Variants in SMYD3 observed in about 807,000 individuals in gnomAD.
SMYD3 encodes SET and MYND domain containing 3, also known as histone-lysine N-methyltransferase SMYD3.
A neutral mutation model predicts 57.7 loss-of-function variants in SMYD3; 36 were observed. That is an observed-to-expected ratio of 0.62 (90% CI 0.48 to 0.82). SMYD3 has a LOEUF of 0.82. Among genes scored for constraint, SMYD3 ranks in the 40% least tolerant of loss-of-function variants. SMYD3 has a pLI of 0.00. For synonymous variants in SMYD3, 211 were observed against 195.0 expected (o/e 1.08, Z -0.68); for missense variants, 515 against 538.8 (o/e 0.96, Z 0.44).
chr1:246,008,481 T>TA (rs1207986701), intron 5 of SMYD3, among the ~76,000 whole-genome samples: 2 of 152,188 alleles, frequency 1.3e-5, no homozygotes, highest in African/African-American at 2.4e-5. Flanking sequence ...CTCGGCCCAT[T>TA]AACATTTCTG....
intron 7 of SMYD3, among the ~76,000 whole-genome samples, chr1:245,927,324 G>A (rs77465179): frequency 5.4e-4 from 82 of 152,260 alleles, no homozygotes; most frequent in Non-Finnish European, 1.0e-3. Context: ...CAAACTGGAG[G>A]GGTCAAGGCC....
At chr1:246,385,183 T>G (rs887654372) in intron 1 of SMYD3, among the ~76,000 whole-genome samples, 4 of 152,214 alleles carry the variant, frequency 2.6e-5, no homozygotes, top group Non-Finnish European at 5.9e-5. Flanking sequence ...AATTGGTAAA[T>G]TATTTAAACT....
At chr1:246,453,585 A>C (rs1204392172) in intron 1 of SMYD3, among the ~76,000 whole-genome samples, 1 of 152,220 alleles carries the variant, frequency 6.6e-6, no homozygotes, top group African/African-American at 2.4e-5. Flanking sequence ...AGTGAACATA[A>C]ACTCCAAATT....
chr1:245,818,889 T>C (rs1471951981), intron 10 of SMYD3, among the ~76,000 whole-genome samples: 1 of 138,198 alleles, frequency 7.2e-6, no homozygotes, highest in Non-Finnish European at 1.5e-5. Context: ...CCCAGATTCA[T>C]AAAGCAAGTC....
chr1:245,786,374 T>C (rs982958121), intron 10 of SMYD3, among the ~76,000 whole-genome samples: 11 of 152,152 alleles, frequency 7.2e-5, no homozygotes, highest in Non-Finnish European at 1.0e-4. Context: ...CACTACTTCA[T>C]TGATTAAAAC....
In SMYD3 at chr1:246,044,848, G is replaced by C. The variant is rs147391194; in HGVS notation, c.532-114911C>G. ...CCATTTTTATTAAAATGACAAACTG[G>C]ACTAGGATAACCATTATTGACTCTT... is the stretch of plus-strand genomic sequence containing the variant. On this transcript the variant is annotated intron_variant, in intron 5 of 11. Coordinates refer to ENST00000490107, the MANE Select transcript of SMYD3 (RefSeq NM_001167740.2). 7.3e-3 allele frequency among the ~76,000 whole-genome samples: 1,110 copies of C among 152,192 alleles called. 13 individuals carry two copies. The highest frequency in any genetic ancestry group is 0.025 in the African/African-American group (1,046 of 41,530).
At chr1:245,963,036 C>G (rs1312792556) in intron 5 of SMYD3, among the ~76,000 whole-genome samples, 3 of 152,056 alleles carry the variant, frequency 2.0e-5, no homozygotes, top group Non-Finnish European at 4.4e-5. Context: ...TGTTCAAAGT[C>G]CTGTTTTTAA....
chr1:245,977,518 G>A (rs2058478746), intron 5 of SMYD3, among the ~76,000 whole-genome samples: 1 of 151,984 alleles, frequency 6.6e-6, no homozygotes, highest in East Asian at 1.9e-4. Context: ...GTCTCTACTA[G>A]AAATACAAAA....
intron 5 of SMYD3, chr1:246,109,812 G>C (rs976278310): frequency 1.3e-5 from 2 of 152,196 alleles, no homozygotes; most frequent in African/African-American, 4.8e-5. Flanking sequence ...CAGGTGGAAA[G>C]CAGCCCAGTC....
intron 5 of SMYD3, among the ~76,000 whole-genome samples, chr1:245,995,238 T>A (rs1283540895): frequency 6.6e-6 from 1 of 152,242 alleles, no homozygotes; most frequent in East Asian, 1.9e-4. Context: ...GGTGGCTTCA[T>A]AAGCCTCAGG....
intron 5 of SMYD3, among the ~76,000 whole-genome samples, chr1:246,129,050 G>A (rs1024790938): frequency 6.6e-6 from 1 of 151,898 alleles, no homozygotes; most frequent in Non-Finnish European, 1.5e-5. Context: ...TGCGCACCTC[G>A]GCCTCCAAAC....
intron 5 of SMYD3, among the ~76,000 whole-genome samples, chr1:245,987,560 C>T (rs567605818): frequency 9.8e-5 from 15 of 152,348 alleles, no homozygotes; most frequent in African/African-American, 3.6e-4. Flanking sequence ...TCCAGCTTCA[C>T]GCTAAGAACT....
chr1:246,174,600 C>T (rs1437462605), intron 5 of SMYD3, among the ~76,000 whole-genome samples: 1 of 152,180 alleles, frequency 6.6e-6, no homozygotes, highest in Non-Finnish European at 1.5e-5. Context: ...GCACATGCCA[C>T]CACGCCTGAC....
chr1:245,894,551 C>CA (rs2053625685), intron 8 of SMYD3, among the ~76,000 whole-genome samples: 1 of 152,192 alleles, frequency 6.6e-6, no homozygotes, highest in East Asian at 1.9e-4. Context: ...CTCCATTCTT[C>CA]AAGTCATCAA....
intron 1 of SMYD3, among the ~76,000 whole-genome samples, chr1:246,360,219 C>CA (rs1558423001): frequency 6.6e-6 from 1 of 151,702 alleles, no homozygotes; most frequent in African/African-American, 2.4e-5. Context: ...ACAATAGCTG[C>CA]AAAAAAATAA....
chr1:246,293,485 A>G (rs946679573), intron 5 of SMYD3, among the ~76,000 whole-genome samples: 2 of 152,210 alleles, frequency 1.3e-5, no homozygotes, highest in Non-Finnish European at 2.9e-5. Flanking sequence ...TCTAAGTAGT[A>G]TAACACGCAC....
intron 5 of SMYD3, among the ~76,000 whole-genome samples, chr1:246,146,052 G>A (rs2061837798): frequency 6.6e-6 from 1 of 152,178 alleles, no homozygotes; most frequent in African/African-American, 2.4e-5. Flanking sequence ...GCTGATCGAA[G>A]TGCCAATTGT....
chr1:246,223,247 T>C (rs945057539), intron 5 of SMYD3, among the ~76,000 whole-genome samples: 10 of 152,092 alleles, frequency 6.6e-5, no homozygotes, highest in African/African-American at 2.2e-4. Context: ...CACAACTGAT[T>C]CAGTGAGCCA....
chr1:246,418,006 C>T (rs932769028), intron 1 of SMYD3, among the ~76,000 whole-genome samples: 46 of 152,172 alleles, frequency 3.0e-4, no homozygotes, highest in Admixed American at 2.4e-3. Context: ...ATTTCTCTAA[C>T]CATCATAACC....
Sources: gnomAD v4.1 joint callset for allele counts (sites outside exome capture counted in the v4.1 genomes callset) on GRCh38, gnomAD v4.1.1 for gene constraint, MANE v1.5 for transcripts, NCBI Gene and HGNC (gene_info 2026-07-23, HGNC 2026-07-21) for gene names.